The following SEC24B variants were observed in gnomAD, a reference collection of about 807,000 sequenced individuals.
The protein encoded by SEC24B is protein transport protein Sec24B.
A neutral mutation model predicts 142.8 loss-of-function variants in SEC24B; 45 were observed. The observed-to-expected ratio is 0.32, with a 90% CI of 0.25 to 0.40. The LOEUF is 0.40. Among genes scored for constraint, SEC24B ranks in the 10% least tolerant of loss-of-function variants. SEC24B has a pLI of 1.00. For missense variants in SEC24B, 1,409 were observed against 1,526.8 expected, an observed-to-expected ratio of 0.92 and a Z score of 1.29; for synonymous variants, 574 against 568.2, an observed-to-expected ratio of 1.01 and a Z score of -0.15.
intron 9 of SEC24B, 88 bp downstream of exon 9, chr4:109,512,171 T>C: frequency 8.2e-7 from 1 of 1,225,440 alleles, no homozygotes; most frequent in Non-Finnish European, 1.1e-6. Context: ...TCTCTCTTCA[T>C]TGCTTTAAAA....
intron 2 of SEC24B, among the ~76,000 whole-genome samples, chr4:109,471,593 T>C (rs1441457610): frequency 1.3e-5 from 2 of 152,138 alleles, no homozygotes; most frequent in Non-Finnish European, 2.9e-5. Context: ...TTCTTGGTTC[T>C]GTGGGTTTGC....
At chr4:109,442,330 A>C (rs930416236) in intron 1 of SEC24B, among the ~76,000 whole-genome samples, 17 of 152,290 alleles carry the variant, frequency 1.1e-4, no homozygotes, top group Middle Eastern at 3.4e-3. Context: ...AAGCAGGGGA[A>C]TAGGACCATG....
At chr4:109,448,157 T>A (rs1729656850) in intron 1 of SEC24B, among the ~76,000 whole-genome samples, 1 of 152,238 alleles carries the variant, frequency 6.6e-6, no homozygotes, top group African/African-American at 2.4e-5. Context: ...TGTGCAACCT[T>A]AATTCCCCTT....
chr4:109,517,461 G>A (rs1723065311), intron 11 of SEC24B, among the ~76,000 whole-genome samples: 1 of 152,094 alleles, frequency 6.6e-6, no homozygotes, highest in African/African-American at 2.4e-5. Flanking sequence ...TGGGGTGGGA[G>A]GTTTTGAGAG....
intron 1 of SEC24B, among the ~76,000 whole-genome samples, chr4:109,454,342 C>A (rs965020439): frequency 3.3e-5 from 5 of 151,902 alleles, no homozygotes; most frequent in Middle Eastern, 3.4e-3. Flanking sequence ...AGTTCAAGAC[C>A]AGCCTGGCCA....
intron 1 of SEC24B, among the ~76,000 whole-genome samples, chr4:109,448,813 T>C (rs749593411): frequency 3.9e-5 from 6 of 152,228 alleles, no homozygotes; most frequent in Non-Finnish European, 5.9e-5. Context: ...ATTTTACTGA[T>C]GTTTCACCAG....
chr4:109,502,306 T>C (rs776043054), intron 6 of SEC24B, among the ~76,000 whole-genome samples: 13 of 152,210 alleles, frequency 8.5e-5, no homozygotes, highest in Admixed American at 2.0e-4. Flanking sequence ...AAGAGAGGTA[T>C]CAGAGATTTT....
chr4:109,494,838 A>G lies in SEC24B; in HGVS notation c.1470A>G (p.Gly490=), dbSNP rs974325926. ...GVQPSNPVYS[G]FQQYPQQYPG... ...AGCCCAGTAACCCGGTATATTCTGG[A>G]TTCCAGCAGTATCCTCAAGTATGTA... The change falls in exon 6 of 24, where the codon GGA becomes GGG. Residue 490 remains glycine, a synonymous_variant. Transcript: ENST00000265175. The G allele has an allele frequency of 6.2e-7, 1 of 1,614,130 alleles. No individual in the cohort carries two copies. The highest frequency in any genetic ancestry group is 8.5e-7 in the Non-Finnish European group (1 of 1,179,950).
intron 1 of SEC24B, among the ~76,000 whole-genome samples, chr4:109,457,031 T>G (rs1730759535): frequency 6.6e-6 from 1 of 152,222 alleles, no homozygotes; most frequent in Non-Finnish European, 1.5e-5. Flanking sequence ...CCATCATTGC[T>G]TTTGTATCAT....
intron 3 of SEC24B, among the ~76,000 whole-genome samples, chr4:109,474,317 G>T (rs1025479078): frequency 2.6e-5 from 4 of 151,976 alleles, no homozygotes; most frequent in Non-Finnish European, 5.9e-5. Flanking sequence ...CTAAATGAAT[G>T]GTGTCTTTTC....
intron 17 of SEC24B, 81 bp from the exon 18 acceptor site, chr4:109,527,241 G>T: frequency 1.4e-5 from 13 of 951,426 alleles, no homozygotes; most frequent in Non-Finnish European, 2.1e-5. Flanking sequence ...AAGAAAGAAA[G>T]AAAGAAAAAA....
In SEC24B at chr4:109,512,162, C is replaced by G; in HGVS notation, c.1903+79C>G. On this transcript the variant is annotated intron_variant, in intron 9 of 23. Coordinates refer to ENST00000265175, the MANE Select transcript of SEC24B (RefSeq NM_006323.5). ...TGAGATTTTTGTCATCTCCTGGTTT[C>G]TCTCTTCATTGCTTTAAAAAGAATT... 6.2e-6 allele frequency: 8 copies of G among 1,290,756 alleles called. No individual in the cohort carries two copies. In the South Asian group the frequency reaches 9.9e-5, roughly 16 times the overall value. The allele number at this position is 1,290,756 out of a possible 1,614,324, so 80.0% of individuals were successfully genotyped here. A position where few individuals can be genotyped will look rare whatever the true frequency, so the allele number is the denominator to read the frequency against.
At chr4:109,452,295 T>C (rs1231310092) in intron 1 of SEC24B, among the ~76,000 whole-genome samples, 1 of 152,242 alleles carries the variant, frequency 6.6e-6, no homozygotes, top group Non-Finnish European at 1.5e-5. Flanking sequence ...GTTGTATGTG[T>C]ATACCATGAT....
At chr4:109,487,228 A>C (rs1288463487) in intron 4 of SEC24B, among the ~76,000 whole-genome samples, 1 of 152,022 alleles carries the variant, frequency 6.6e-6, no homozygotes, top group East Asian at 1.9e-4. Flanking sequence ...TCCTGCATAG[A>C]AGAGGAAATG....
intron 1 of SEC24B, among the ~76,000 whole-genome samples, chr4:109,446,718 A>T (rs1390619163): frequency 6.6e-6 from 1 of 152,234 alleles, no homozygotes; most frequent in Non-Finnish European, 1.5e-5. Flanking sequence ...GTATTATGGT[A>T]TAAATTATTT....
At chr4:109,508,253 T>G (rs1428325323) in intron 7 of SEC24B, among the ~76,000 whole-genome samples, 1 of 152,144 alleles carries the variant, frequency 6.6e-6, no homozygotes, top group Non-Finnish European at 1.5e-5. Context: ...AAAGGTTAGG[T>G]ACCCCCTACG....
intron 2 of SEC24B, among the ~76,000 whole-genome samples, chr4:109,467,167 AT>A (rs1731996457): frequency 6.6e-6 from 1 of 151,606 alleles, no homozygotes; most frequent in African/African-American, 2.4e-5. Flanking sequence ...TCTACTAAAA[AT>A]ACAAAAAATT....
chr4:109,509,608 C>T (rs931544650), intron 7 of SEC24B, among the ~76,000 whole-genome samples: 5 of 141,702 alleles, frequency 3.5e-5, no homozygotes, highest in Non-Finnish European at 6.0e-5. Context: ...ACCCAGGAGG[C>T]GGAGCTTGCA....
Position 109,473,100 on chromosome 4 carries a change from C to T in SEC24B, c.974C>T (p.Ser325Leu), listed in dbSNP as rs201271131. The change falls in exon 3 of 24, where the codon TCA becomes TTA. Residue 325 changes from serine to leucine, a missense_variant. Ser to Leu is a moderately radical substitution (Grantham distance 145). This residue lies in a region of SEC24B where 709 missense variants were observed against 673.5 expected (regional missense o/e 1.05). Coordinates refer to ENST00000265175, the MANE Select transcript of SEC24B (RefSeq NM_006323.5). ...GTTTTATCAGGATCCTCAGGATCCT[C>T]ATCAACAAGAACACCTCCCACTGCA... is the stretch of plus-strand genomic sequence containing the variant. ...STVLSGSSGS[S>L]STRTPPTANH... 9.5e-5 allele frequency: 152 copies of T among 1,601,760 alleles called. No individual in the cohort carries two copies. The Middle Eastern group carries it at 1.2e-3, about 12-fold the overall frequency.
Sources: allele counts gnomAD v4.1 joint callset (sites outside exome capture counted in the v4.1 genomes callset), GRCh38; gene constraint gnomAD v4.1.1; regional missense constraint gnomAD v4.1.1; transcripts MANE v1.5; gene names NCBI Gene and HGNC (gene_info 2026-07-23, HGNC 2026-07-21).